The following AUTS2 variants were observed in gnomAD, a reference collection of about 807,000 sequenced individuals.
AUTS2 encodes activator of transcription and developmental regulator AUTS2.
AUTS2 carries 17 observed loss-of-function variants against 112.4 expected under a neutral mutation model. That is an observed-to-expected ratio of 0.15 (90% CI 0.10 to 0.23). The LOEUF is 0.23. AUTS2 is among the 10% of genes least tolerant of loss of function. The pLI, the probability that AUTS2 is intolerant of heterozygous loss-of-function variation, is 1.00. For missense variants in AUTS2, 1,510 were observed against 1,701.6 expected (o/e 0.89, Z 1.98); for synonymous variants, 751 against 702.7 (o/e 1.07, Z -1.09).
intron 6 of AUTS2, among the ~76,000 whole-genome samples, chr7:70,736,029 T>C (rs903964531): frequency 1.1e-5 from 1 of 94,950 alleles, no homozygotes; most frequent in Non-Finnish European, 2.0e-5. Flanking sequence ...AGTATATCTA[T>C]TTTATTATAC....
chr7:70,474,620 C>A (rs1194239954), intron 5 of AUTS2, among the ~76,000 whole-genome samples: 1 of 152,188 alleles, frequency 6.6e-6, no homozygotes, highest in Non-Finnish European at 1.5e-5. Context: ...CCATTTACCT[C>A]ATTTATTCGT....
intron 4 of AUTS2, among the ~76,000 whole-genome samples, chr7:70,334,505 G>C (rs1790903360): frequency 6.6e-6 from 1 of 152,104 alleles, no homozygotes; most frequent in Non-Finnish European, 1.5e-5. Flanking sequence ...TGGGGGCAGA[G>C]GACTGAATGC....
intron 5 of AUTS2, among the ~76,000 whole-genome samples, chr7:70,564,816 T>G (rs1801634502): frequency 6.6e-6 from 1 of 152,092 alleles, no homozygotes; most frequent in Non-Finnish European, 1.5e-5. Flanking sequence ...TTAAAAAAAT[T>G]AGGCCAGGCA....
intron 1 of AUTS2, among the ~76,000 whole-genome samples, chr7:69,855,531 C>T (rs577970436): frequency 6.6e-5 from 10 of 152,344 alleles, no homozygotes; most frequent in African/African-American, 2.2e-4. Context: ...TAGTCTCATA[C>T]TTACCCAATA....
At chr7:69,637,243 C>G (rs1343922198) in intron 1 of AUTS2, among the ~76,000 whole-genome samples, 1 of 152,090 alleles carries the variant, frequency 6.6e-6, no homozygotes, top group Non-Finnish European at 1.5e-5. Flanking sequence ...TATTTGCAAC[C>G]AATAAATTTC....
rs1003562823 is a variant in AUTS2 at position 70,191,168 on chromosome 7, T to C, written c.660+56597T>C. 2.2e-5 allele frequency among the ~76,000 whole-genome samples: 3 copies of C among 138,846 alleles called. No homozygotes were observed. In the East Asian group the frequency reaches 6.1e-4, roughly 28 times the overall value. The allele number at this position is 138,846 out of a possible 152,430, so 91.1% of individuals were successfully genotyped here. ...AATGTCATCCACTTATTTCTTTTTT[T>C]TTTTTTTTTTTTTTTTTTGAGACAG... On this transcript the variant is annotated intron_variant, in intron 4 of 18. Transcript: ENST00000342771.
At chr7:70,372,811 G>A (rs572150883) in intron 4 of AUTS2, among the ~76,000 whole-genome samples, 3 of 152,012 alleles carry the variant, frequency 2.0e-5, no homozygotes, top group African/African-American at 7.2e-5. Context: ...AAGGCCCAGG[G>A]GACTAATCTG....
chr7:69,866,825 A>G (rs1278919249), intron 1 of AUTS2, among the ~76,000 whole-genome samples: 1 of 152,180 alleles, frequency 6.6e-6, no homozygotes, highest in African/African-American at 2.4e-5. Context: ...AGCATAGCCT[A>G]TGGGTTGTGG....
At chr7:70,614,923 C>T (rs1013681475) in intron 5 of AUTS2, among the ~76,000 whole-genome samples, 4 of 152,230 alleles carry the variant, frequency 2.6e-5, no homozygotes, top group African/African-American at 9.6e-5. Flanking sequence ...CCAGGCAGCC[C>T]AGCTCAGGAT....
intron 4 of AUTS2, among the ~76,000 whole-genome samples, chr7:70,141,138 G>T (rs982727082): frequency 7.3e-5 from 11 of 150,716 alleles, no homozygotes; most frequent in African/African-American, 2.7e-4. Flanking sequence ...GTTTGAGGCA[G>T]GGGGAGCAAC....
In AUTS2 at chr7:69,809,948, C is replaced by A. The variant is rs114731641; in HGVS notation, c.310-89338C>A. Among the ~76,000 whole-genome samples, 963 of 152,312 alleles carry A rather than the reference C, an allele frequency of 6.3e-3. 10 individuals are homozygous for A. The highest frequency in any genetic ancestry group is 0.022 in the African/African-American group (918 of 41,558). ...ATAAAATCAATTCTCTACATCAAAA[C>A]CAGAGTGACTTTTCCTAAAATATAC... On this transcript the variant is annotated intron_variant, in intron 1 of 18. Transcript: ENST00000342771.
At chr7:70,128,692 T>C (rs1243628940) in intron 3 of AUTS2, among the ~76,000 whole-genome samples, 3 of 152,204 alleles carry the variant, frequency 2.0e-5, no homozygotes, top group African/African-American at 7.2e-5. Flanking sequence ...GGCTGGGTGT[T>C]GTATTAATTT....
intron 3 of AUTS2, among the ~76,000 whole-genome samples, chr7:70,127,327 T>C (rs1315164315): frequency 1.3e-5 from 2 of 151,964 alleles, no homozygotes; most frequent in Admixed American, 6.6e-5. Flanking sequence ...AGAAATGGGG[T>C]TTCGCCATGT....
chr7:69,679,075 T>C (rs923521930), intron 1 of AUTS2, among the ~76,000 whole-genome samples: 12 of 152,242 alleles, frequency 7.9e-5, no homozygotes, highest in Admixed American at 6.5e-5. Context: ...CTGGGTTTTG[T>C]TTCCAGCCAA....
chr7:70,399,011 G>A (rs2130063639), intron 4 of AUTS2, among the ~76,000 whole-genome samples: 1 of 146,726 alleles, frequency 6.8e-6, no homozygotes, highest in Non-Finnish European at 1.5e-5. Context: ...TTTTGAGACA[G>A]GGTCTTGCTC....
At chr7:69,916,059 A>G (rs1472612918) in intron 2 of AUTS2, among the ~76,000 whole-genome samples, 1 of 152,254 alleles carries the variant, frequency 6.6e-6, no homozygotes, top group Admixed American at 6.5e-5. Flanking sequence ...TATAGTGAGT[A>G]TACTGATGGG....
intron 2 of AUTS2, among the ~76,000 whole-genome samples, chr7:70,050,770 G>A (rs895183076): frequency 3.3e-5 from 5 of 152,170 alleles, no homozygotes; most frequent in African/African-American, 1.2e-4. Flanking sequence ...CAAGACGAAT[G>A]GATCACCTGA....
At position 70,504,395 on chromosome 7, in the gene AUTS2, A is replaced by G. The variant is rs1235331174; in HGVS notation, c.690+68614A>G. Reference sequence around the variant, plus strand: ...CTGGAAAAGATCTATTCTTACCAGAAGCTGTCCTGCGCTGTCAGTGAAAAG... The same window carrying G: ...CTGGAAAAGATCTATTCTTACCAGAGGCTGTCCTGCGCTGTCAGTGAAAAG... On this transcript the variant is annotated intron_variant, in intron 5 of 18. Coordinates refer to ENST00000342771, the MANE Select transcript of AUTS2 (RefSeq NM_015570.4). Among the ~76,000 whole-genome samples, 3 of 150,918 alleles carry G rather than the reference A, an allele frequency of 2.0e-5. No homozygotes were observed. The East Asian group carries it at 5.8e-4, about 29-fold the overall frequency.
At chr7:70,650,871 T>C (rs575512530) in intron 5 of AUTS2, among the ~76,000 whole-genome samples, 3 of 152,298 alleles carry the variant, frequency 2.0e-5, no homozygotes, top group Admixed American at 1.3e-4. Context: ...CATAAATTAA[T>C]AGTGCCAACT....
Sources: allele counts gnomAD v4.1 joint callset (sites outside exome capture counted in the v4.1 genomes callset), GRCh38; gene constraint gnomAD v4.1.1; transcripts MANE v1.5; gene names NCBI Gene and HGNC (gene_info 2026-07-23, HGNC 2026-07-21).